The following NRG1 variants were observed in gnomAD, a reference collection of about 807,000 sequenced individuals.
The protein encoded by NRG1 is neuregulin 1.
NRG1 carries 18 observed loss-of-function variants against 63.8 expected under a neutral mutation model. That is an observed-to-expected ratio of 0.28 (90% CI 0.19 to 0.42). The LOEUF is 0.42. Among genes scored for constraint, NRG1 ranks in the 10% least tolerant of loss-of-function variants. NRG1 has a pLI of 1.00. For synonymous variants in NRG1, 302 were observed against 301.3 expected, an observed-to-expected ratio of 1.00 and a Z score of -0.02; for missense variants, 762 against 814.7, an observed-to-expected ratio of 0.94 and a Z score of 0.79.
At chr8:32,385,278 G>T (rs1159481226) in intron 1 of NRG1, among the ~76,000 whole-genome samples, 1 of 152,032 alleles carries the variant, frequency 6.6e-6, no homozygotes. Context: ...ACCCGCCTTG[G>T]CCTCCCAAAG....
intron 1 of NRG1, among the ~76,000 whole-genome samples, chr8:32,323,005 C>A (rs990933462): frequency 9.2e-5 from 14 of 152,120 alleles, no homozygotes; most frequent in African/African-American, 3.4e-4. Context: ...CAACACCCAA[C>A]ACCACCTAAC....
intron 1 of NRG1, among the ~76,000 whole-genome samples, chr8:32,495,662 C>T (rs1827124344): frequency 6.6e-6 from 1 of 152,092 alleles, no homozygotes; most frequent in South Asian, 2.1e-4. Flanking sequence ...GGGGTTTCGC[C>T]ACGTTGGCCA....
chr8:32,081,208 G>T (rs1352141112), intron 1 of NRG1, among the ~76,000 whole-genome samples: 1 of 152,134 alleles, frequency 6.6e-6, no homozygotes, highest in Non-Finnish European at 1.5e-5. Flanking sequence ...AGTCTAGTTG[G>T]CACCCATATA....
chr8:32,684,252 T>G (rs966524562), intron 5 of NRG1, among the ~76,000 whole-genome samples: 3 of 152,194 alleles, frequency 2.0e-5, no homozygotes, highest in Non-Finnish European at 2.9e-5. Context: ...TTAAAAAATT[T>G]TGTCAGGCTT....
intron 1 of NRG1, among the ~76,000 whole-genome samples, chr8:32,472,466 G>C (rs780992352): frequency 6.6e-6 from 1 of 152,210 alleles, no homozygotes. Context: ...CACCGTGCCC[G>C]GCCCTTGGCC....
intron 1 of NRG1, among the ~76,000 whole-genome samples, chr8:32,156,340 A>G (rs2131864950): frequency 6.6e-6 from 1 of 152,306 alleles, no homozygotes; most frequent in Middle Eastern, 3.4e-3. Context: ...ATGCACCATC[A>G]TTGTGCCTTG....
chr8:31,785,552 A>G (rs1820089025), intron 1 of NRG1, among the ~76,000 whole-genome samples: 1 of 152,220 alleles, frequency 6.6e-6, no homozygotes, highest in Non-Finnish European at 1.5e-5. Flanking sequence ...AATGTAAAGC[A>G]TGATTTGAAA....
chr8:32,538,312 A>G (rs1170644562), intron 1 of NRG1, among the ~76,000 whole-genome samples: 2 of 152,174 alleles, frequency 1.3e-5, no homozygotes, highest in Non-Finnish European at 2.9e-5. Flanking sequence ...AAGAGTTACA[A>G]TTAAACTTTT....
intron 1 of NRG1, among the ~76,000 whole-genome samples, chr8:31,909,114 A>G (rs1832747057): frequency 6.6e-6 from 1 of 152,186 alleles, no homozygotes; most frequent in Admixed American, 6.5e-5. Flanking sequence ...GTGGCCCTTC[A>G]TCATAGCAAA....
intron 1 of NRG1, among the ~76,000 whole-genome samples, chr8:31,873,098 G>A (rs1829628164): frequency 6.6e-6 from 1 of 152,124 alleles, no homozygotes. Context: ...GGTACATACA[G>A]CTGTAGTTCA....
At position 32,766,728 on chromosome 8, in the gene NRG1, T is replaced by C. The variant is rs371199841; in HGVS notation, c.*2326T>C. ...GAAAATTGAAGACAAGAGGAAATTG[T>C]ATTTCTAACTTGATTCTGATCACTC... On this transcript the variant is annotated 3_prime_UTR_variant, in exon 12 of 12. Transcript: ENST00000356819. 1.6e-4 allele frequency: 25 copies of C among 152,322 alleles called. 1 individual carries two copies. Among genetic ancestry groups the C allele is most frequent in the African/African-American group, 5.8e-4 (24 of 41,576 alleles). 9.4% of individuals were successfully genotyped at this position (152,322 alleles called of 1,614,324 possible). A position where few individuals can be genotyped will look rare whatever the true frequency, so the allele number is the denominator to read the frequency against.
intron 1 of NRG1, among the ~76,000 whole-genome samples, chr8:32,552,120 A>C (rs1834254020): frequency 6.6e-6 from 1 of 151,600 alleles, no homozygotes; most frequent in South Asian, 2.1e-4. Context: ...CATGTTGGCC[A>C]GGATGGTGTC....
At chr8:32,379,604 C>A (rs912389182) in intron 1 of NRG1, among the ~76,000 whole-genome samples, 1 of 152,194 alleles carries the variant, frequency 6.6e-6, no homozygotes. Context: ...CTACAGGATG[C>A]CATCCATTGT....
chr8:31,902,913 A>G (rs1192263705), intron 1 of NRG1, among the ~76,000 whole-genome samples: 1 of 152,178 alleles, frequency 6.6e-6, no homozygotes, highest in East Asian at 1.9e-4. Flanking sequence ...CGTAACAGGA[A>G]TAATGCTACA....
At chr8:31,761,205 A>G (rs1252336736) in intron 1 of NRG1, among the ~76,000 whole-genome samples, 1 of 152,132 alleles carries the variant, frequency 6.6e-6, no homozygotes, top group Non-Finnish European at 1.5e-5. Flanking sequence ...CCCAAGGACA[A>G]AAAACCAAAC....
chr8:32,250,183 G>A (rs1164848500), intron 1 of NRG1, among the ~76,000 whole-genome samples: 2 of 152,064 alleles, frequency 1.3e-5, no homozygotes, highest in Admixed American at 1.3e-4. Flanking sequence ...TATATGAAAT[G>A]TTTACTGTTT....
At chr8:31,788,686 G>T (rs925381694) in intron 1 of NRG1, among the ~76,000 whole-genome samples, 4 of 152,152 alleles carry the variant, frequency 2.6e-5, no homozygotes, top group Non-Finnish European at 1.5e-5. Flanking sequence ...TCTTGAATTT[G>T]CTAAGGAATG....
intron 1 of NRG1, among the ~76,000 whole-genome samples, chr8:32,524,884 C>G (rs1830674114): frequency 6.6e-6 from 1 of 152,192 alleles, no homozygotes; most frequent in Admixed American, 6.5e-5. Flanking sequence ...AATAGAATTT[C>G]ATTTGCCTGA....
chr8:32,307,274 A>G (rs757979834), intron 1 of NRG1, among the ~76,000 whole-genome samples: 1 of 152,206 alleles, frequency 6.6e-6, no homozygotes, highest in African/African-American at 2.4e-5. Flanking sequence ...GATGCAAATC[A>G]AAAGACTAGA....
Sources: gnomAD v4.1 joint callset for allele counts (sites outside exome capture counted in the v4.1 genomes callset) on GRCh38, gnomAD v4.1.1 for gene constraint, MANE v1.5 for transcripts, NCBI Gene and HGNC (gene_info 2026-07-23, HGNC 2026-07-21) for gene names.